The following FHL5 variants were observed in gnomAD, a reference collection of about 807,000 sequenced individuals.
FHL5 encodes the protein four and a half LIM domains 5.
In FHL5, 33 loss-of-function variants were observed where a neutral mutation model predicts 32.0. The observed-to-expected ratio is 1.03, with a 90% CI of 0.78 to 1.38. The LOEUF is 1.38. Among genes scored for constraint, FHL5 ranks in the 40% most tolerant of loss-of-function variants. The pLI, the probability that FHL5 is intolerant of heterozygous loss-of-function variation, is 0.00. For synonymous variants in FHL5, 114 were observed against 113.6 expected (o/e 1.00, Z -0.02); for missense variants, 336 against 343.9 (o/e 0.98, Z 0.18).
At chr6:96,613,178 A>G (rs1771448042) in intron 5 of FHL5, among the ~76,000 whole-genome samples, 1 of 152,140 alleles carries the variant, frequency 6.6e-6, no homozygotes. Flanking sequence ...TAGCCATTCC[A>G]CAATGCATAC....
chr6:96,575,889 C>A (rs1272963244), intron 1 of FHL5, among the ~76,000 whole-genome samples: 1 of 152,080 alleles, frequency 6.6e-6, no homozygotes. Context: ...AAACAGTGGG[C>A]CAAATAAATC....
intron 1 of FHL5, among the ~76,000 whole-genome samples, chr6:96,566,214 CT>C (rs1387730515): frequency 1.3e-5 from 2 of 152,048 alleles, no homozygotes; most frequent in East Asian, 3.9e-4. Context: ...ATGAGATTGA[CT>C]TTTTTAGCTT....
intron 1 of FHL5, among the ~76,000 whole-genome samples, chr6:96,588,215 C>G (rs1733124563): frequency 6.6e-6 from 1 of 152,112 alleles, no homozygotes; most frequent in South Asian, 2.1e-4. Context: ...TTATTTCTTT[C>G]TTTCTTTTTT....
intron 1 of FHL5, among the ~76,000 whole-genome samples, chr6:96,587,520 T>C (rs1032192806): frequency 1.3e-5 from 2 of 152,174 alleles, no homozygotes; most frequent in Non-Finnish European, 2.9e-5. Context: ...TTTATATTTT[T>C]AATTTTTATC....
intron 3 of FHL5, 129 bp from the exon 4 acceptor site, chr6:96,605,773 T>A (rs1193363633): frequency 3.8e-6 from 3 of 786,668 alleles, no homozygotes; most frequent in Non-Finnish European, 3.9e-6. Flanking sequence ...GAAAAAATAC[T>A]ATTTTTCTAA....
At chr6:96,562,943 C>T (rs1770278120), upstream of FHL5, among the ~76,000 whole-genome samples, 1 of 152,068 alleles carries the variant, frequency 6.6e-6, no homozygotes, top group South Asian at 2.1e-4. Flanking sequence ...TTAATTTAGC[C>T]TAGTTAGTGG....
intron 1 of FHL5, among the ~76,000 whole-genome samples, chr6:96,602,335 C>G (rs1449967150): frequency 6.7e-6 from 1 of 149,058 alleles, no homozygotes; most frequent in African/African-American, 2.5e-5. Flanking sequence ...ATCTCATTTT[C>G]CAAGGAAAAG....
chr6:96,568,839 C>G (rs147279389), intron 1 of FHL5, among the ~76,000 whole-genome samples: 410 of 151,560 alleles, frequency 2.7e-3, no homozygotes, highest in African/African-American at 9.4e-3. Context: ...TTTATTGGGA[C>G]CTTTACGTTT....
chr6:96,607,143 T>C (rs1771300454), intron 4 of FHL5, among the ~76,000 whole-genome samples: 3 of 152,160 alleles, frequency 2.0e-5, no homozygotes, highest in Admixed American at 1.3e-4. Context: ...AACACCTTGA[T>C]GAAGCCTGTC....
intron 5 of FHL5, among the ~76,000 whole-genome samples, chr6:96,613,880 C>T (rs1771463418): frequency 6.6e-6 from 1 of 152,192 alleles, no homozygotes. Flanking sequence ...TATACGGTAA[C>T]ACACATAAAG....
intron 4 of FHL5, among the ~76,000 whole-genome samples, chr6:96,610,208 G>T (rs561899244): frequency 6.6e-6 from 1 of 152,274 alleles, no homozygotes; most frequent in South Asian, 2.1e-4. Context: ...AGTGAAAAAA[G>T]AACCTGTGTG....
chr6:96,580,237 T>C (rs1381095306), intron 1 of FHL5, among the ~76,000 whole-genome samples: 3 of 152,180 alleles, frequency 2.0e-5, no homozygotes, highest in Admixed American at 2.0e-4. Flanking sequence ...TTCAATTAAG[T>C]AGAAATCCTT....
In FHL5 at chr6:96,603,552, T is replaced by C; in HGVS notation, c.-12-50T>C. The stretch of plus-strand genomic sequence containing the variant: ...TATATTAAGGTTTCATCATTTATCC[T>C]ATAAACAAAATTCTGCTTTTATATA... On this transcript the variant is annotated intron_variant, in intron 1 of 5. Transcript: ENST00000450218. The C allele has an allele frequency of 3.0e-6, 4 of 1,343,802 alleles. 1 individual carries two copies. The South Asian group carries it at 5.0e-5, about 17-fold the overall frequency. 83.2% of individuals were successfully genotyped at this position (1,343,802 alleles called of 1,614,324 possible).
chr6:96,598,825 AT>A lies in FHL5; in HGVS notation c.-12-4772del, dbSNP rs1357798613. Among the ~76,000 whole-genome samples, 4 of 152,164 alleles carry A rather than the reference AT, an allele frequency of 2.6e-5. No homozygotes were observed. In the East Asian group the frequency reaches 7.7e-4, roughly 29 times the overall value. ...TAAGCTCTCTGCAGACAGTGTGTCT[AT>A]TTTTATATCCTTTACAACTTGTAGC... On this transcript the variant is annotated intron_variant, in intron 1 of 5. Coordinates refer to ENST00000450218, the MANE Select transcript of FHL5 (RefSeq NM_001322466.2).
intron 1 of FHL5, among the ~76,000 whole-genome samples, chr6:96,577,757 G>A (rs1218287349): frequency 1.3e-5 from 2 of 152,136 alleles, no homozygotes; most frequent in Non-Finnish European, 2.9e-5. Flanking sequence ...CAAATAAGGA[G>A]AGAAAGTTTT....
At position 96,601,890 on chromosome 6, in the gene FHL5, C is replaced by T. The variant is rs541187770; in HGVS notation, c.-12-1712C>T. Among the ~76,000 whole-genome samples, 8 of 152,282 alleles carry T rather than the reference C, an allele frequency of 5.3e-5. No homozygotes were observed. In the South Asian group the frequency reaches 6.2e-4, roughly 12 times the overall value. ...AACCCTCTGAGTGTGTTTGTATTCA[C>T]TAGGAAGGAACATTTCTGTGGAATT... On this transcript the variant is annotated intron_variant, in intron 1 of 5. Coordinates refer to ENST00000450218, the MANE Select transcript of FHL5 (RefSeq NM_001322466.2).
intron 5 of FHL5, among the ~76,000 whole-genome samples, chr6:96,611,870 C>G (rs1002382246): frequency 1.3e-5 from 2 of 152,220 alleles, no homozygotes; most frequent in Non-Finnish European, 1.5e-5. Context: ...GGATCTCACA[C>G]TGGCTCACGG....
At chr6:96,607,197 G>T (rs1296700319) in intron 4 of FHL5, among the ~76,000 whole-genome samples, 5 of 150,828 alleles carry the variant, frequency 3.3e-5, no homozygotes, top group African/African-American at 1.2e-4. Context: ...AGAAATCCTT[G>T]ACCTGCGAGG....
chr6:96,591,230 T>A (rs923018056), intron 1 of FHL5, among the ~76,000 whole-genome samples: 7 of 152,306 alleles, frequency 4.6e-5, no homozygotes, highest in African/African-American at 1.7e-4. Flanking sequence ...GTAGCCTTTT[T>A]AATTACAAAT....
Sources: gnomAD v4.1 joint callset for allele counts (sites outside exome capture counted in the v4.1 genomes callset) on GRCh38, gnomAD v4.1.1 for gene constraint, MANE v1.5 for transcripts, NCBI Gene and HGNC (gene_info 2026-07-23, HGNC 2026-07-21) for gene names.